The following CACNA2D3 variants were observed in gnomAD, a reference collection of about 807,000 sequenced individuals.
CACNA2D3 encodes the protein voltage-dependent calcium channel subunit alpha-2/delta-3.
Under a neutral mutation model 160.6 loss-of-function variants are expected in CACNA2D3, and 60 were observed. The ratio of observed to expected loss-of-function variants is 0.37; its 90% CI spans 0.30 to 0.46. The LOEUF is 0.46. CACNA2D3 is among the 20% of genes least tolerant of loss of function. CACNA2D3 has a pLI of 1.00. For missense variants in CACNA2D3, 1,205 were observed against 1,365.0 expected (o/e 0.88, Z 1.85); for synonymous variants, 558 against 492.9 (o/e 1.13, Z -1.75).
chr3:54,322,849 TG>T (rs1381368085), intron 3 of CACNA2D3, among the ~76,000 whole-genome samples: 2 of 151,502 alleles, frequency 1.3e-5, no homozygotes, highest in Non-Finnish European at 3.0e-5. Context: ...GTATGGTGGG[TG>T]TAGTTCCTTT....
At chr3:55,058,307 A>G (rs1387928905) in intron 35 of CACNA2D3, among the ~76,000 whole-genome samples, 1 of 152,364 alleles carries the variant, frequency 6.6e-6, no homozygotes, top group East Asian at 1.9e-4. Context: ...GAGTCAAAGT[A>G]GGAAGGCATG....
chr3:54,498,832 C>G (rs930130763), intron 4 of CACNA2D3, among the ~76,000 whole-genome samples: 1 of 151,904 alleles, frequency 6.6e-6, no homozygotes, highest in Non-Finnish European at 1.5e-5. Flanking sequence ...TTTTCCTTGA[C>G]ATATGTATTA....
rs1390856801 is a variant in CACNA2D3 at position 54,924,525 on chromosome 3, C to T, written c.2449+24657C>T. The T allele has an allele frequency of 4.7e-6, 5 of 1,059,174 alleles. No homozygotes were observed. In the African/African-American group the frequency reaches 4.7e-5, roughly 10 times the overall value. The allele number at this position is 1,059,174 out of a possible 1,614,324, so 65.6% of individuals were successfully genotyped here. ...TAAAAGCCCAAATCCACCCCTTACA[C>T]ACTCCTCCACATTCTTTCTAATGCA... On this transcript the variant is annotated intron_variant, in intron 27 of 37. Coordinates refer to ENST00000474759, the MANE Select transcript of CACNA2D3 (RefSeq NM_018398.3).
At chr3:54,808,476 T>C (rs911867139) in intron 13 of CACNA2D3, among the ~76,000 whole-genome samples, 4 of 151,948 alleles carry the variant, frequency 2.6e-5, no homozygotes, top group African/African-American at 9.7e-5. Context: ...AGGGGAAAAG[T>C]GGGAGAGGGG....
intron 11 of CACNA2D3, among the ~76,000 whole-genome samples, chr3:54,645,887 A>G (rs934936257): frequency 4.6e-5 from 7 of 152,034 alleles, no homozygotes; most frequent in African/African-American, 9.7e-5. Context: ...GCCTTTCACT[A>G]TATCCCATCC....
chr3:54,975,531 A>G (rs889205987), intron 29 of CACNA2D3, among the ~76,000 whole-genome samples: 1 of 145,078 alleles, frequency 6.9e-6, no homozygotes, highest in South Asian at 2.1e-4. Context: ...CAAAAAAAAA[A>G]AAAAAAAAAA....
At chr3:54,565,636 T>G (rs891071772) in intron 6 of CACNA2D3, among the ~76,000 whole-genome samples, 1 of 152,168 alleles carries the variant, frequency 6.6e-6, no homozygotes, top group African/African-American at 2.4e-5. Context: ...GAACTGAAAT[T>G]TAAATGTTAT....
At chr3:54,542,066 T>C (rs2106665595) in intron 5 of CACNA2D3, among the ~76,000 whole-genome samples, 1 of 151,932 alleles carries the variant, frequency 6.6e-6, no homozygotes, top group Non-Finnish European at 1.5e-5. Flanking sequence ...TTTGTTGTTG[T>C]TGTTTTTGTT....
At chr3:54,151,285 G>A (rs1700146720) in intron 2 of CACNA2D3, among the ~76,000 whole-genome samples, 2 of 151,808 alleles carry the variant, frequency 1.3e-5, no homozygotes, top group African/African-American at 4.8e-5. Flanking sequence ...ATGAATGAAT[G>A]GATGTAGGGA....
chr3:54,796,869 TAG>T (rs1319579737), intron 13 of CACNA2D3, among the ~76,000 whole-genome samples: 10 of 152,048 alleles, frequency 6.6e-5, no homozygotes, highest in African/African-American at 2.4e-4. Flanking sequence ...TCAGTTTACA[TAG>T]AGATAGGGCT....
intron 35 of CACNA2D3, among the ~76,000 whole-genome samples, chr3:55,040,589 G>GCGGGAGGATCACTTGAGCC: frequency 6.9e-6 from 1 of 145,376 alleles, no homozygotes. Flanking sequence ...GGAGGCTAAA[G>GCGGGAGGATCACTTGAGCC]CGGGAGGATC....
chr3:54,528,922 T>A (rs1007859093), intron 5 of CACNA2D3, among the ~76,000 whole-genome samples: 3 of 152,352 alleles, frequency 2.0e-5, no homozygotes, highest in African/African-American at 7.2e-5. Flanking sequence ...CGATCCCATG[T>A]GGCCATGCTG....
chr3:54,804,480 C>T (rs1458105220), intron 13 of CACNA2D3, among the ~76,000 whole-genome samples: 1 of 152,186 alleles, frequency 6.6e-6, no homozygotes, highest in East Asian at 1.9e-4. Context: ...GTAAAGGGAT[C>T]AATTCAACAA....
At chr3:54,194,492 A>G (rs1381481855) in intron 2 of CACNA2D3, among the ~76,000 whole-genome samples, 1 of 152,174 alleles carries the variant, frequency 6.6e-6, no homozygotes, top group Admixed American at 6.5e-5. Context: ...TTGTCTTTCC[A>G]AAATTCTCTC....
intron 4 of CACNA2D3, among the ~76,000 whole-genome samples, chr3:54,402,597 A>AAT (rs972025602): frequency 6.6e-6 from 1 of 152,130 alleles, no homozygotes; most frequent in African/African-American, 2.4e-5. Context: ...AATGTCTGTA[A>AAT]ATATATATGC....
intron 5 of CACNA2D3, among the ~76,000 whole-genome samples, chr3:54,508,749 T>C (rs929600821): frequency 1.3e-5 from 2 of 152,266 alleles, no homozygotes; most frequent in African/African-American, 4.8e-5. Flanking sequence ...TCCTCTAGAC[T>C]TCCCCAGCAG....
intron 29 of CACNA2D3, among the ~76,000 whole-genome samples, chr3:54,975,134 G>A (rs1702359670): frequency 6.6e-6 from 1 of 152,086 alleles, no homozygotes; most frequent in African/African-American, 2.4e-5. Context: ...AATCCAAGTG[G>A]TCATTGACAG....
At chr3:54,923,474 G>A (rs1393970637) in intron 27 of CACNA2D3, among the ~76,000 whole-genome samples, 1 of 152,054 alleles carries the variant, frequency 6.6e-6, no homozygotes, top group African/African-American at 2.4e-5. Flanking sequence ...TATCAAAAAT[G>A]AGACCCACAT....
intron 11 of CACNA2D3, among the ~76,000 whole-genome samples, chr3:54,658,820 A>G (rs1215780045): frequency 2.6e-5 from 4 of 152,036 alleles, no homozygotes; most frequent in African/African-American, 4.8e-5. Context: ...GTTTAAGCCA[A>G]TGTCTTGGTG....
Sources: allele counts gnomAD v4.1 joint callset (sites outside exome capture counted in the v4.1 genomes callset), GRCh38; gene constraint gnomAD v4.1.1; transcripts MANE v1.5; gene names NCBI Gene and HGNC (gene_info 2026-07-23, HGNC 2026-07-21).